TAFA5: variants seen among roughly 807,000 people sequenced by gnomAD.
The protein encoded by TAFA5 is chemokine-like protein TAFA-5.
In TAFA5, 6 loss-of-function variants were observed where a neutral mutation model predicts 15.3. The observed-to-expected ratio is 0.39, with a 90% CI of 0.21 to 0.77. The LOEUF (loss-of-function observed/expected upper bound fraction) is 0.77. Ranked by LOEUF, TAFA5 falls within the 30% of genes least tolerant of loss-of-function variation. TAFA5 has a pLI of 0.41. For missense variants in TAFA5, 161 were observed against 193.1 expected (o/e 0.83, Z 0.98); for synonymous variants, 103 against 80.7 (o/e 1.28, Z -1.48).
chr22:48,733,423 C>A (rs940030137), intron 3 of TAFA5, among the ~76,000 whole-genome samples: 1 of 152,212 alleles, frequency 6.6e-6, no homozygotes, highest in Non-Finnish European at 1.5e-5. Context: ...TCAAATGGAA[C>A]CCTCACAGGC....
intron 1 of TAFA5, among the ~76,000 whole-genome samples, chr22:48,583,969 T>C (rs529606745): frequency 5.9e-4 from 60 of 101,616 alleles, no homozygotes; most frequent in African/African-American, 2.2e-3. Flanking sequence ...ACACAAAATA[T>C]ACCACACACA....
At chr22:48,539,042 CAG>C in intron 1 of TAFA5, 1 of 215,604 alleles carries the variant, frequency 4.6e-6, no homozygotes, top group South Asian at 8.4e-5. Flanking sequence ...TGTGAGTTCA[CAG>C]GGGGTGGGAG....
chr22:48,556,515 A>G (rs1923044218), intron 1 of TAFA5, among the ~76,000 whole-genome samples: 1 of 152,262 alleles, frequency 6.6e-6, no homozygotes, highest in South Asian at 2.1e-4. Flanking sequence ...CATCTGGAAG[A>G]GAAGCTTCTT....
chr22:48,542,843 G>C (rs1406915590), intron 1 of TAFA5, among the ~76,000 whole-genome samples: 7 of 149,184 alleles, frequency 4.7e-5, no homozygotes, highest in Admixed American at 3.3e-4. Context: ...GTATGTGTGT[G>C]TGATGTGTTT....
chr22:48,670,113 G>T (rs997355856), intron 2 of TAFA5, among the ~76,000 whole-genome samples: 2 of 152,170 alleles, frequency 1.3e-5, no homozygotes, highest in South Asian at 2.1e-4. Context: ...CATGTTAGGC[G>T]CTTAGATCCT....
chr22:48,539,260 T>C (rs186741589), intron 1 of TAFA5: 2 of 436,166 alleles, frequency 4.6e-6, no homozygotes, highest in East Asian at 7.1e-5. Flanking sequence ...GCCAGGGCCC[T>C]GGAGAGGTGG....
intron 1 of TAFA5, among the ~76,000 whole-genome samples, chr22:48,567,396 A>T (rs2147136000): frequency 6.6e-6 from 1 of 152,280 alleles, no homozygotes; most frequent in East Asian, 1.9e-4. Context: ...TAAAAGGACA[A>T]TCCCCACTTT....
At chr22:48,728,797 A>T (rs1432342191) in intron 3 of TAFA5, among the ~76,000 whole-genome samples, 1 of 152,266 alleles carries the variant, frequency 6.6e-6, no homozygotes. Context: ...GAATTTTAAA[A>T]AGAAAGGCAT....
intron 1 of TAFA5, among the ~76,000 whole-genome samples, chr22:48,508,374 C>T (rs1921086186): frequency 6.6e-6 from 1 of 152,238 alleles, no homozygotes. Flanking sequence ...CAGGTCACAG[C>T]TCCCGGCTGT....
intron 3 of TAFA5, among the ~76,000 whole-genome samples, chr22:48,746,113 C>T (rs374720157): frequency 1.3e-5 from 2 of 152,120 alleles, no homozygotes; most frequent in African/African-American, 4.8e-5. Context: ...CCCCAGGATC[C>T]GCCTGGGCTG....
intron 1 of TAFA5, among the ~76,000 whole-genome samples, chr22:48,519,676 A>G (rs1451961734): frequency 6.6e-6 from 1 of 152,142 alleles, no homozygotes; most frequent in East Asian, 1.9e-4. Flanking sequence ...TGGCGGGCAA[A>G]TCGCGTTCTT....
intron 1 of TAFA5, among the ~76,000 whole-genome samples, chr22:48,593,516 G>T (rs1382280765): frequency 1.3e-5 from 2 of 152,180 alleles, no homozygotes; most frequent in African/African-American, 4.8e-5. Context: ...GGGGTGGCTG[G>T]GGTCGGGGAT....
At chr22:48,632,568 G>T (rs183302322) in intron 1 of TAFA5, among the ~76,000 whole-genome samples, 1 of 151,372 alleles carries the variant, frequency 6.6e-6, no homozygotes. Context: ...GAAACAAGAC[G>T]CACAGAACGT....
chr22:48,549,731 A>G (rs1038184830), intron 1 of TAFA5, among the ~76,000 whole-genome samples: 22 of 152,186 alleles, frequency 1.4e-4, no homozygotes, highest in Middle Eastern at 3.2e-3. Flanking sequence ...GTTGGGCTTC[A>G]TCTTCCACAC....
chr22:48,750,118 G>T lies in TAFA5; in HGVS notation c.*271G>T. ...GTCTGTGGGAGCCCGGCCGCGCCCAGCCCCCGCCGACCGTGGCGTTGGCCC... is the reference window on the plus strand; with the variant it reads ...GTCTGTGGGAGCCCGGCCGCGCCCATCCCCCGCCGACCGTGGCGTTGGCCC... On this transcript the variant is annotated 3_prime_UTR_variant, in exon 4 of 4. Transcript: ENST00000402357. The T allele has an allele frequency of 3.9e-6, 2 of 510,122 alleles. No homozygotes were observed. The highest frequency in any genetic ancestry group is 4.8e-5 in the South Asian group (2 of 41,880). 31.6% of individuals were successfully genotyped at this position (510,122 alleles called of 1,614,324 possible). A position where few individuals can be genotyped will look rare whatever the true frequency, so the allele number is the denominator to read the frequency against.
At chr22:48,685,415 G>A (rs1928322686) in intron 2 of TAFA5, among the ~76,000 whole-genome samples, 2 of 152,288 alleles carry the variant, frequency 1.3e-5, no homozygotes, top group Non-Finnish European at 2.9e-5. Flanking sequence ...GCTTTGCAGA[G>A]CCATTTCAAA....
At chr22:48,706,889 G>A (rs1377145588) in intron 2 of TAFA5, among the ~76,000 whole-genome samples, 1 of 152,236 alleles carries the variant, frequency 6.6e-6, no homozygotes, top group Non-Finnish European at 1.5e-5. Context: ...GCTTTCTGGT[G>A]GAGAGTAATC....
chr22:48,514,499 G>C (rs1463360567), intron 1 of TAFA5, among the ~76,000 whole-genome samples: 1 of 152,156 alleles, frequency 6.6e-6, no homozygotes, highest in Admixed American at 6.5e-5. Context: ...TGAGGTGGCC[G>C]CGGCTCCTGG....
intron 3 of TAFA5, among the ~76,000 whole-genome samples, chr22:48,718,649 A>G (rs1929477424): frequency 6.6e-6 from 1 of 152,084 alleles, no homozygotes; most frequent in Non-Finnish European, 1.5e-5. Flanking sequence ...CTCCCCGCAC[A>G]AGGACCCTGG....
Sources: allele counts gnomAD v4.1 joint callset (sites outside exome capture counted in the v4.1 genomes callset), GRCh38; gene constraint gnomAD v4.1.1; transcripts MANE v1.5; gene names NCBI Gene and HGNC (gene_info 2026-07-23, HGNC 2026-07-21).